The following RBFOX1 variants were observed in gnomAD, a reference collection of about 807,000 sequenced individuals.
The protein encoded by RBFOX1 is RNA binding protein fox-1 homolog 1.
In RBFOX1, 8 loss-of-function variants were observed where a neutral mutation model predicts 57.7. The observed-to-expected ratio is 0.14, with a 90% CI of 0.08 to 0.25. The LOEUF is 0.25. Ranked by LOEUF, RBFOX1 falls within the 10% of genes least tolerant of loss-of-function variation. The pLI, the probability that RBFOX1 is intolerant of heterozygous loss-of-function variation, is 1.00. For missense variants in RBFOX1, 611 were observed against 548.5 expected (o/e 1.11, Z -1.14); for synonymous variants, 326 against 222.4 (o/e 1.47, Z -4.15).
intron 1 of RBFOX1, among the ~76,000 whole-genome samples, chr16:6,306,301 T>C (rs1305240573): frequency 6.6e-6 from 1 of 152,184 alleles, no homozygotes; most frequent in Non-Finnish European, 1.5e-5. Context: ...AGTTGAATCA[T>C]GGATGGAAAC....
In RBFOX1 at chr16:6,790,975, G is replaced by C. The variant is rs1419529196; in HGVS notation, c.-16+136325G>C. 2.0e-5 allele frequency among the ~76,000 whole-genome samples: 3 copies of C among 151,660 alleles called. 1 individual carries two copies. Among genetic ancestry groups the C allele is most frequent in the African/African-American group, 2.4e-5 (1 of 41,244 alleles). On this transcript the variant is annotated intron_variant, in intron 3 of 15. Coordinates refer to ENST00000550418, the MANE Select transcript of RBFOX1 (RefSeq NM_018723.4). ...GGTTGGAGTGCATTGGTATGATCTT[G>C]ACTCACTGCGTCTTCTGGCTCTCAG... is the stretch of plus-strand genomic sequence containing the variant.
intron 1 of RBFOX1, among the ~76,000 whole-genome samples, chr16:5,413,040 G>A (rs993838150): frequency 2.0e-5 from 3 of 152,192 alleles, no homozygotes; most frequent in African/African-American, 7.2e-5. Context: ...GGCATGTTTT[G>A]AAGTGAGGTT....
chr16:6,891,515 A>G (rs1170940214), intron 3 of RBFOX1, among the ~76,000 whole-genome samples: 2 of 152,086 alleles, frequency 1.3e-5, no homozygotes, highest in African/African-American at 2.4e-5. Context: ...TATCAGCTAC[A>G]TAAACTTCCC....
chr16:5,886,372 G>C (rs954751649), intron 4 of RBFOX1, among the ~76,000 whole-genome samples: 10 of 152,114 alleles, frequency 6.6e-5, no homozygotes, highest in African/African-American at 2.4e-4. Context: ...GCAAAGTAAG[G>C]CTTTAAAAAA....
At chr16:5,451,776 T>C (rs1483038465) in intron 1 of RBFOX1, among the ~76,000 whole-genome samples, 2 of 152,170 alleles carry the variant, frequency 1.3e-5, no homozygotes, top group Non-Finnish European at 2.9e-5. Flanking sequence ...CGCTCTTTTT[T>C]CGTGTACCAG....
At chr16:7,451,143 T>A (rs1404149001) in intron 4 of RBFOX1, among the ~76,000 whole-genome samples, 1 of 152,120 alleles carries the variant, frequency 6.6e-6, no homozygotes, top group African/African-American at 2.4e-5. Context: ...TCAGAAAACA[T>A]CCAGCTTTCT....
intron 3 of RBFOX1, among the ~76,000 whole-genome samples, chr16:5,818,558 G>C (rs952053352): frequency 9.2e-5 from 14 of 152,338 alleles, no homozygotes; most frequent in African/African-American, 3.1e-4. Context: ...CTGAATTGGA[G>C]ATGGTCTAAG....
At chr16:7,100,781 G>C (rs543762879) in intron 4 of RBFOX1, among the ~76,000 whole-genome samples, 3 of 152,096 alleles carry the variant, frequency 2.0e-5, no homozygotes, top group African/African-American at 7.2e-5. Context: ...AGGACACTGT[G>C]TTCACCCTCT....
intron 1 of RBFOX1, among the ~76,000 whole-genome samples, chr16:6,228,532 G>T (rs2152897505): frequency 6.6e-6 from 1 of 152,216 alleles, no homozygotes; most frequent in Admixed American, 6.5e-5. Context: ...GAACCTGGAG[G>T]ACATTATGCT....
At chr16:5,676,109 A>G (rs2050161531) in intron 3 of RBFOX1, among the ~76,000 whole-genome samples, 1 of 151,952 alleles carries the variant, frequency 6.6e-6, no homozygotes, top group African/African-American at 2.4e-5. Flanking sequence ...GGGCAGGGGG[A>G]GGGAGAGCAT....
chr16:6,900,459 T>C (rs2068182993), intron 3 of RBFOX1, among the ~76,000 whole-genome samples: 1 of 152,178 alleles, frequency 6.6e-6, no homozygotes, highest in Non-Finnish European at 1.5e-5. Flanking sequence ...TGTTTATTGA[T>C]TTCCCGTTGC....
At chr16:6,468,617 T>A (rs1044991975) in intron 2 of RBFOX1, among the ~76,000 whole-genome samples, 12 of 137,576 alleles carry the variant, frequency 8.7e-5, no homozygotes, top group Admixed American at 2.8e-4. Flanking sequence ...TTAAATGACT[T>A]TTTTTTTTTG....
chr16:6,780,146 TA>T (rs2080474795), intron 3 of RBFOX1, among the ~76,000 whole-genome samples: 1 of 47,984 alleles, frequency 2.1e-5, no homozygotes, highest in African/African-American at 1.2e-4. Flanking sequence ...TATTTATATA[TA>T]TTTATATATA....
At chr16:6,813,104 TAAAAA>T (rs766213977) in intron 3 of RBFOX1, among the ~76,000 whole-genome samples, 1 of 146,726 alleles carries the variant, frequency 6.8e-6, no homozygotes, top group Admixed American at 6.8e-5. Context: ...TCACTCCCAT[TAAAAA>T]AAAAAAGTGC....
intron 4 of RBFOX1, among the ~76,000 whole-genome samples, chr16:7,410,433 G>A (rs1358601946): frequency 6.6e-6 from 1 of 152,236 alleles, no homozygotes; most frequent in Admixed American, 6.5e-5. Flanking sequence ...TGTAATCCCA[G>A]CACTTTGGGA....
intron 3 of RBFOX1, among the ~76,000 whole-genome samples, chr16:5,788,731 A>T (rs1291514786): frequency 1.3e-5 from 2 of 152,170 alleles, no homozygotes; most frequent in African/African-American, 4.8e-5. Flanking sequence ...AGACACACAC[A>T]TACACATACA....
At chr16:7,359,955 G>A (rs961581439) in intron 4 of RBFOX1, among the ~76,000 whole-genome samples, 5 of 151,150 alleles carry the variant, frequency 3.3e-5, no homozygotes, top group African/African-American at 1.2e-4. Context: ...CTGCACTCCA[G>A]CCTGGGTGAC....
At chr16:6,447,913 C>A (rs1314332658) in intron 2 of RBFOX1, among the ~76,000 whole-genome samples, 2 of 152,108 alleles carry the variant, frequency 1.3e-5, no homozygotes, top group Non-Finnish European at 2.9e-5. Context: ...ACATCACACA[C>A]GCTGTCATCC....
At chr16:5,911,777 G>C (rs1230277756) in intron 4 of RBFOX1, among the ~76,000 whole-genome samples, 1 of 152,112 alleles carries the variant, frequency 6.6e-6, no homozygotes, top group Non-Finnish European at 1.5e-5. Flanking sequence ...CACCATGTCT[G>C]CATATGGTGG....
Sources: allele counts gnomAD v4.1 joint callset (sites outside exome capture counted in the v4.1 genomes callset), GRCh38; gene constraint gnomAD v4.1.1; transcripts MANE v1.5; gene names NCBI Gene and HGNC (gene_info 2026-07-23, HGNC 2026-07-21).